Variants in EPHA6 observed in about 807,000 individuals in gnomAD.
The protein encoded by EPHA6 is ephrin type-A receptor 6.
EPHA6 carries 50 observed loss-of-function variants against 112.0 expected under a neutral mutation model. The ratio of observed to expected loss-of-function variants is 0.45; its 90% confidence interval spans 0.36 to 0.56. EPHA6 has a LOEUF of 0.56. Among genes scored for constraint, EPHA6 ranks in the 20% least tolerant of loss-of-function variants. The pLI, the probability that EPHA6 is intolerant of heterozygous loss-of-function variation, is 0.00. For missense variants in EPHA6, 1,280 were observed against 1,417.4 expected, an observed-to-expected ratio of 0.90 and a Z score of 1.56; for synonymous variants, 529 against 490.7, an observed-to-expected ratio of 1.08 and a Z score of -1.03.
chr3:97,526,009 T>G (rs1182146202), intron 10 of EPHA6, among the ~76,000 whole-genome samples: 1 of 152,174 alleles, frequency 6.6e-6, no homozygotes, highest in African/African-American at 2.4e-5. Flanking sequence ...TGAGATGGGC[T>G]TAAACTGAGA....
chr3:97,432,780 T>TG (rs574244750), intron 6 of EPHA6, among the ~76,000 whole-genome samples: 32 of 151,954 alleles, frequency 2.1e-4, no homozygotes, highest in Non-Finnish European at 4.0e-4. Flanking sequence ...CAGAAGCGAA[T>TG]GGGTAAGAGC....
intron 12 of EPHA6, among the ~76,000 whole-genome samples, chr3:97,598,166 T>A (rs1031059893): frequency 2.6e-5 from 4 of 151,998 alleles, no homozygotes; most frequent in African/African-American, 7.2e-5. Context: ...TTATTTATTT[T>A]TTTTGGAGAC....
At chr3:97,747,174 T>C (rs1393019991) in intron 16 of EPHA6, among the ~76,000 whole-genome samples, 1 of 151,714 alleles carries the variant, frequency 6.6e-6, no homozygotes, top group Non-Finnish European at 1.5e-5. Context: ...AAAAAAAAGA[T>C]CAATGTAAGT....
In EPHA6 at chr3:97,294,630, G is replaced by A. The variant is rs367931153; in HGVS notation, c.1606+50343G>A. Among the ~76,000 whole-genome samples, 14 of 152,144 alleles carry A rather than the reference G, an allele frequency of 9.2e-5. No individual in the cohort carries two copies. The East Asian group carries it at 2.3e-3, about 25-fold the overall frequency. Reference sequence around the variant, plus strand: ...GTTTCTCTCATTGTTTATCATTGCAGTTTGGTGATTTTCTGTAACAGTAAC... The same window carrying A: ...GTTTCTCTCATTGTTTATCATTGCAATTTGGTGATTTTCTGTAACAGTAAC... On this transcript the variant is annotated intron_variant, in intron 5 of 17. Transcript: ENST00000389672.
chr3:96,999,114 T>C (rs1041133231), intron 3 of EPHA6, among the ~76,000 whole-genome samples: 14 of 151,960 alleles, frequency 9.2e-5, no homozygotes, highest in African/African-American at 3.4e-4. Context: ...TTATTTAGTG[T>C]GTTGCCTACA....
At chr3:97,321,834 A>G (rs1220132411) in intron 5 of EPHA6, among the ~76,000 whole-genome samples, 1 of 152,244 alleles carries the variant, frequency 6.6e-6, no homozygotes, top group East Asian at 1.9e-4. Flanking sequence ...GTTAAAAATC[A>G]TATTTCCAGG....
chr3:97,387,317 T>TTTC (rs1369353577), intron 5 of EPHA6, among the ~76,000 whole-genome samples: 3 of 104,116 alleles, frequency 2.9e-5, no homozygotes, highest in African/African-American at 2.1e-4. Flanking sequence ...TACAATTCAG[T>TTTC]TTTTTTTTTT....
intron 5 of EPHA6, among the ~76,000 whole-genome samples, chr3:97,357,843 A>G (rs2084163995): frequency 6.6e-6 from 1 of 152,204 alleles, no homozygotes; most frequent in Non-Finnish European, 1.5e-5. Flanking sequence ...ATCATAAGGA[A>G]GTGAAAATAT....
chr3:97,303,352 C>T (rs76522127), intron 5 of EPHA6, among the ~76,000 whole-genome samples: 1 of 151,964 alleles, frequency 6.6e-6, no homozygotes, highest in South Asian at 2.1e-4. Context: ...AAAAACTCAG[C>T]ATTTCAGTTT....
intron 3 of EPHA6, among the ~76,000 whole-genome samples, chr3:97,062,352 A>G (rs749556205): frequency 2.0e-5 from 3 of 151,652 alleles, no homozygotes; most frequent in Non-Finnish European, 2.9e-5. Context: ...ATGACTAAAT[A>G]GCAGAAGGCA....
At chr3:97,019,409 G>GT (rs773588098) in intron 3 of EPHA6, among the ~76,000 whole-genome samples, 15 of 151,852 alleles carry the variant, frequency 9.9e-5, no homozygotes, top group South Asian at 4.2e-4. Context: ...CACAAATGCA[G>GT]TTTTTTTTCT....
At chr3:97,327,905 G>GTA (rs548084867) in intron 5 of EPHA6, among the ~76,000 whole-genome samples, 3 of 126,522 alleles carry the variant, frequency 2.4e-5, no homozygotes, top group African/African-American at 4.1e-5. Context: ...GTATATGTGT[G>GTA]TATATATATG....
intron 14 of EPHA6, among the ~76,000 whole-genome samples, chr3:97,694,861 C>G (rs1406716502): frequency 1.3e-5 from 2 of 152,198 alleles, no homozygotes; most frequent in African/African-American, 2.4e-5. Flanking sequence ...TGTCTTCAAA[C>G]TAGATTTTAC....
intron 5 of EPHA6, among the ~76,000 whole-genome samples, chr3:97,336,979 G>GA (rs1332511377): frequency 6.6e-6 from 1 of 151,636 alleles, no homozygotes; most frequent in East Asian, 1.9e-4. Flanking sequence ...ACTCTGGGAT[G>GA]AAAAAGAGTA....
At chr3:97,210,855 G>A (rs939463862) in intron 3 of EPHA6, among the ~76,000 whole-genome samples, 1 of 152,190 alleles carries the variant, frequency 6.6e-6, no homozygotes, top group Non-Finnish European at 1.5e-5. Context: ...TGGCAGGAGT[G>A]GGGACTGGAG....
intron 14 of EPHA6, among the ~76,000 whole-genome samples, chr3:97,652,587 G>GTATCCCTATCAAAAA (rs1393776199): frequency 6.6e-6 from 1 of 152,054 alleles, no homozygotes. Context: ...ATAGGTTTGA[G>GTATCCCTATCAAAAA]TGGGGAGCTT....
At chr3:97,106,414 A>G (rs954520698) in intron 3 of EPHA6, among the ~76,000 whole-genome samples, 1 of 152,082 alleles carries the variant, frequency 6.6e-6, no homozygotes, top group Non-Finnish European at 1.5e-5. Context: ...TTTTATTATA[A>G]TATCTCCAAA....
chr3:97,503,617 A>G (rs1206897631), intron 10 of EPHA6, among the ~76,000 whole-genome samples: 1 of 152,172 alleles, frequency 6.6e-6, no homozygotes, highest in Non-Finnish European at 1.5e-5. Flanking sequence ...GTGTCATAGT[A>G]AACTGGAGAC....
intron 11 of EPHA6, among the ~76,000 whole-genome samples, chr3:97,542,147 T>C (rs1245402255): frequency 1.3e-5 from 2 of 151,986 alleles, no homozygotes; most frequent in Non-Finnish European, 2.9e-5. Flanking sequence ...AATGTGCACC[T>C]TTGTTACATA....
Sources: allele counts gnomAD v4.1 joint callset (sites outside exome capture counted in the v4.1 genomes callset), GRCh38; gene constraint gnomAD v4.1.1; transcripts MANE v1.5; gene names NCBI Gene and HGNC (gene_info 2026-07-23, HGNC 2026-07-21).